Variants in KLHL28 observed in about 807,000 individuals in gnomAD.
The protein encoded by KLHL28 is kelch-like protein 28.
Under a neutral mutation model 48.3 loss-of-function variants are expected in KLHL28, and 22 were observed. The ratio of observed to expected loss-of-function variants is 0.46; its 90% CI spans 0.33 to 0.65. The LOEUF is 0.65. Among genes scored for constraint, KLHL28 ranks in the 30% least tolerant of loss-of-function variants. KLHL28 has a pLI of 0.03. For missense variants in KLHL28, 527 were observed against 704.3 expected (o/e 0.75, Z 2.85); for synonymous variants, 243 against 242.4 (o/e 1.00, Z -0.02).
chr14:44,949,996 C>G (rs1034052354), intron 1 of KLHL28, among the ~76,000 whole-genome samples: 3 of 152,062 alleles, frequency 2.0e-5, no homozygotes, highest in Admixed American at 2.0e-4. Context: ...ACCTGATGAA[C>G]AGCAGAAATT....
rs142959695 is a variant in KLHL28 at position 44,924,947 on chromosome 14, A to G, written c.*4081T>C. ...TGTAAACCTATTGTATTAAAAATGT[A>G]TTGTATTCCTCACTCTTTTCAAATG... is the stretch of plus-strand genomic sequence containing the variant. On this transcript the variant is annotated 3_prime_UTR_variant, in exon 5 of 5. Transcript: ENST00000396128. The G allele has an allele frequency of 1.2e-3, 185 of 152,718 alleles. 2 individuals are homozygous for G. The highest frequency in any genetic ancestry group is 4.3e-3 in the African/African-American group (178 of 41,584). 9.5% of individuals were successfully genotyped at this position (152,718 alleles called of 1,614,324 possible).
intron 2 of KLHL28, among the ~76,000 whole-genome samples, chr14:44,936,717 T>A (rs1428551663): frequency 6.6e-6 from 1 of 152,072 alleles, no homozygotes; most frequent in African/African-American, 2.4e-5. Context: ...ATGGCCTAAG[T>A]GGAGAATTGA....
rs1263368672 is a variant in KLHL28 at position 44,934,394 on chromosome 14, G to A, written c.1064C>T (p.Ser355Leu). ...PGVTIRKHEN[S>L]VECWNPDTNT... The stretch of plus-strand genomic sequence containing the variant: ...TGTATCAGGATTCCAGCATTCCACT[G>A]AATTTTCATGTTTTCTGATAGTGAC... Residue 355 changes from serine to leucine, a missense_variant, in exon 3 of 5, where the codon TCA becomes TTA. By Grantham distance (145) the Ser-to-Leu change is moderately radical. Transcript: ENST00000396128. The A allele has an allele frequency of 6.2e-7, 1 of 1,614,044 alleles. No homozygotes were observed. Among genetic ancestry groups the A allele is most frequent in the Non-Finnish European group, 8.5e-7 (1 of 1,180,000 alleles).
intron 2 of KLHL28, among the ~76,000 whole-genome samples, chr14:44,939,206 T>C (rs1418608140): frequency 2.0e-5 from 3 of 152,290 alleles, no homozygotes; most frequent in South Asian, 4.1e-4. Context: ...CCATGGGCAG[T>C]GAGCATGTGG....
At chr14:44,949,686 AC>A (rs1884492838) in intron 1 of KLHL28, among the ~76,000 whole-genome samples, 1 of 152,144 alleles carries the variant, frequency 6.6e-6, no homozygotes, top group South Asian at 2.1e-4. Flanking sequence ...CTTATATCTA[AC>A]AAGAAGAAAT....
chr14:44,931,651 T>C, intron 3 of KLHL28, 110 bp from the exon 4 acceptor site: 1 of 758,888 alleles, frequency 1.3e-6, no homozygotes, highest in South Asian at 1.9e-5. Flanking sequence ...TAGAGAGATA[T>C]TAAACAAGAG....
At chr14:44,946,664 C>A (rs1303523076) in intron 1 of KLHL28, among the ~76,000 whole-genome samples, 1 of 149,964 alleles carries the variant, frequency 6.7e-6, no homozygotes, top group Non-Finnish European at 1.5e-5. Flanking sequence ...ACAAATGATT[C>A]TCCTGCTTAG....
chr14:44,927,728 C>G lies in KLHL28; in HGVS notation c.*1300G>C, dbSNP rs902930806. ...CTATTACTCAAGTAAACATCGAGTT[C>G]CAGTTTTCCTCAATAACCTTAAAAT... On this transcript the variant is annotated 3_prime_UTR_variant, in exon 5 of 5. Coordinates refer to ENST00000396128, the MANE Select transcript of KLHL28 (RefSeq NM_017658.5). 6.6e-6 allele frequency: 1 copy of G among 152,560 alleles called. No homozygotes were observed. Among genetic ancestry groups the G allele is most frequent in the Non-Finnish European group, 1.5e-5 (1 of 67,986 alleles). The allele number at this position is 152,560 out of a possible 1,614,324, so 9.5% of individuals were successfully genotyped here. A position where few individuals can be genotyped will look rare whatever the true frequency, so the allele number is the denominator to read the frequency against.
intron 2 of KLHL28, 91 bp downstream of exon 2, chr14:44,944,939 A>T: frequency 1.0e-6 from 1 of 997,222 alleles, no homozygotes; most frequent in Non-Finnish European, 1.5e-6. Context: ...TAAAAAGGAA[A>T]ATCAAACTAT....
At chr14:44,953,971 AAT>A (rs1884692587) in intron 1 of KLHL28, among the ~76,000 whole-genome samples, 1 of 152,242 alleles carries the variant, frequency 6.6e-6, no homozygotes, top group Non-Finnish European at 1.5e-5. Context: ...TAATACATAA[AAT>A]ATTTCTAAAA....
Position 44,926,080 on chromosome 14 carries a change from CAT to C in KLHL28, c.*2946_*2947del, listed in dbSNP as rs1566557531. 1.3e-5 allele frequency: 2 copies of C among 152,100 alleles called. No individual in the cohort carries two copies. Among genetic ancestry groups the C allele is most frequent in the Non-Finnish European group, 2.9e-5 (2 of 68,010 alleles). 9.4% of individuals were successfully genotyped at this position (152,100 alleles called of 1,614,324 possible). A position where few individuals can be genotyped will look rare whatever the true frequency, so the allele number is the denominator to read the frequency against. The stretch of plus-strand genomic sequence containing the variant: ...ATTTTGATCCTTTTTAACATAGAAA[CAT>C]GTGGCTTTAAATTCACAATTTGTCA... On this transcript the variant is annotated 3_prime_UTR_variant, in exon 5 of 5. Transcript: ENST00000396128.
At chr14:44,952,915 A>C (rs1226385670) in intron 1 of KLHL28, among the ~76,000 whole-genome samples, 1 of 152,116 alleles carries the variant, frequency 6.6e-6, no homozygotes, top group African/African-American at 2.4e-5. Context: ...AAAAAAAAAA[A>C]AACAAACACA....
At chr14:44,940,343 T>C (rs187764566) in intron 2 of KLHL28, among the ~76,000 whole-genome samples, 2 of 152,324 alleles carry the variant, frequency 1.3e-5, no homozygotes, top group East Asian at 3.9e-4. Context: ...CAGAGGGCAA[T>C]AATAATCAGT....
chr14:44,960,785 A>AT (rs1406658832), intron 1 of KLHL28: 11 of 427,170 alleles, frequency 2.6e-5, no homozygotes, highest in Non-Finnish European at 3.9e-5. Context: ...TCCAGAAATT[A>AT]TTTTTGCACT....
In KLHL28 at chr14:44,929,113, T is replaced by G. The variant is rs1269699027; in HGVS notation, c.1631A>C (p.Gln544Pro). ...CGTATCTGAGATAGGATCATATTTC[T>G]GCACTGTATTCAGATAGGAAGACCC... Reference protein sequence around the residue: ...HSGSSYLNTVQKYDPISDTWL... With the variant: ...HSGSSYLNTVPKYDPISDTWL... The change falls in exon 5 of 5, where the codon CAG (glutamine) becomes CCG (proline). Residue 544 changes from glutamine (Q) to proline (P), a missense_variant. Coordinates refer to ENST00000396128, the MANE Select transcript of KLHL28 (RefSeq NM_017658.5). The G allele has an allele frequency of 3.7e-6, 6 of 1,614,034 alleles. No homozygotes were observed.
In KLHL28 at chr14:44,925,427, G is replaced by A. The variant is rs1360495058; in HGVS notation, c.*3601C>T. 3 of 152,124 alleles carry A rather than the reference G, an allele frequency of 2.0e-5. No homozygotes were observed. Among genetic ancestry groups the A allele is most frequent in the Middle Eastern group, 3.4e-3 (1 of 294 alleles). The allele number at this position is 152,124 out of a possible 1,614,324, so 9.4% of individuals were successfully genotyped here. A position where few individuals can be genotyped will look rare whatever the true frequency, so the allele number is the denominator to read the frequency against. On this transcript the variant is annotated 3_prime_UTR_variant, in exon 5 of 5. Coordinates refer to ENST00000396128, the MANE Select transcript of KLHL28 (RefSeq NM_017658.5). ...AGATTTGGAGTTCTATAAATATTAGGTTTTTTAATATTTCTTTTTCATGCC... is the reference window on the plus strand; with the variant it reads ...AGATTTGGAGTTCTATAAATATTAGATTTTTTAATATTTCTTTTTCATGCC...
Position 44,936,894 on chromosome 14 carries a change from T to G in KLHL28, c.900-2336A>C, listed in dbSNP as rs139330757. Among the ~76,000 whole-genome samples, 1,310 of 152,280 alleles carry G rather than the reference T, an allele frequency of 8.6e-3. 6 individuals are homozygous for G. Among genetic ancestry groups the G allele is most frequent in the Middle Eastern group, 0.014 (4 of 294 alleles). ...TTCTACTAACTGATTATGGGGCCAA[T>G]GGATGAAGAATCCTGAAAGGGACAA... On this transcript the variant is annotated intron_variant, in intron 2 of 4. Transcript: ENST00000396128.
At chr14:44,935,494 C>T (rs1389239621) in intron 2 of KLHL28, among the ~76,000 whole-genome samples, 1 of 152,028 alleles carries the variant, frequency 6.6e-6, no homozygotes, top group Non-Finnish European at 1.5e-5. Context: ...TATGCTCATA[C>T]ACTATATAAC....
chr14:44,933,594 T>G (rs902187573), intron 3 of KLHL28, among the ~76,000 whole-genome samples: 1 of 152,164 alleles, frequency 6.6e-6, no homozygotes, highest in Admixed American at 6.5e-5. Flanking sequence ...TTTATTCAGA[T>G]AAAACTACAG....
Sources: allele counts gnomAD v4.1 joint callset (sites outside exome capture counted in the v4.1 genomes callset), GRCh38; gene constraint gnomAD v4.1.1; transcripts MANE v1.5; gene names NCBI Gene and HGNC (gene_info 2026-07-23, HGNC 2026-07-21).